INTS2: variants seen among roughly 807,000 people sequenced by gnomAD.
INTS2 encodes the protein KIAA1287.
INTS2 carries 57 observed loss-of-function variants against 139.6 expected under a neutral mutation model. That is an observed-to-expected ratio of 0.41 (90% confidence interval 0.33 to 0.51). The LOEUF (loss-of-function observed/expected upper bound fraction) is 0.51, where lower values mean the gene tolerates loss of function less well. Among genes scored for constraint, INTS2 ranks in the 20% least tolerant of loss-of-function variants. INTS2 has a pLI of 0.28. For synonymous variants in INTS2, 473 were observed against 493.4 expected (o/e 0.96, Z 0.55); for missense variants, 1,196 against 1,436.7 (o/e 0.83, Z 2.71).
At chr17:61,879,875 T>G (rs543661182) in intron 17 of INTS2, among the ~76,000 whole-genome samples, 1 of 152,260 alleles carries the variant, frequency 6.6e-6, no homozygotes, top group East Asian at 1.9e-4. Context: ...ATTGGCCATA[T>G]TTGGTCAAAT....
At chr17:61,918,313 C>T (rs1258481912) in intron 5 of INTS2, among the ~76,000 whole-genome samples, 1 of 152,102 alleles carries the variant, frequency 6.6e-6, no homozygotes, top group African/African-American at 2.4e-5. Context: ...CACATATCGG[C>T]TCGCTGCAAC....
chr17:61,909,829 G>GTA lies in INTS2; in HGVS notation c.954+1690_954+1691insTA, dbSNP rs1229476060. The stretch of plus-strand genomic sequence containing the variant: ...TGTGTGTGTACATGTGTGTATGTGT[G>GTA]TGTGTGTGTGTGTGTGTGTGTGTGT... On this transcript the variant is annotated intron_variant, in intron 7 of 24. Transcript: ENST00000251334. This position sits in a 1 kb window ranked among gnomAD's most constrained non-coding sequence, Gnocchi z 4.9. Among the ~76,000 whole-genome samples the GTA allele has an allele frequency of 5.2e-5, 3 of 57,596 alleles. No individual in the cohort carries two copies. Among genetic ancestry groups the GTA allele is most frequent in the African/African-American group, 2.4e-4 (3 of 12,518 alleles). The allele number at this position is 57,596 out of a possible 152,430, so 37.8% of individuals were successfully genotyped here. A position where few individuals can be genotyped will look rare whatever the true frequency, so the allele number is the denominator to read the frequency against.
At chr17:61,890,068 G>A (rs770818797) in intron 14 of INTS2, among the ~76,000 whole-genome samples, 174 bp from the exon 15 acceptor site, 4 of 152,102 alleles carry the variant, frequency 2.6e-5, no homozygotes, top group Admixed American at 6.6e-5. Context: ...CATGAAATCT[G>A]AGATGGCATG....
intron 5 of INTS2, among the ~76,000 whole-genome samples, chr17:61,917,500 A>G (rs970127732): frequency 6.6e-6 from 1 of 152,232 alleles, no homozygotes; most frequent in African/African-American, 2.4e-5. Flanking sequence ...GCTGGAAGCC[A>G]TCCCATCCTA....
In INTS2 at chr17:61,869,881, A is replaced by G. The variant is rs776508850; in HGVS notation, c.2886T>C (p.Ile962=). 1 of 1,613,946 alleles carries G rather than the reference A, an allele frequency of 6.2e-7. No homozygotes were observed. The highest frequency in any genetic ancestry group is 8.5e-7 in the Non-Finnish European group (1 of 1,179,832). Residue 962 remains isoleucine (I), a synonymous_variant, in exon 21 of 25, where the codon ATT becomes ATC. Coordinates refer to ENST00000251334, the MANE Select transcript of INTS2 (RefSeq NM_001351695.2). The surrounding 1 kb of genome is among the most constrained non-coding windows in gnomAD (Gnocchi z 5.4). ...DSLLRNVQSV[I]TTSAPNKGME... The stretch of plus-strand genomic sequence containing the variant: ...TTCCCTTATTTGGAGCGCTGGTGGT[A>G]ATAACACTTTGAACATTTCTTAACA...
intron 15 of INTS2, among the ~76,000 whole-genome samples, chr17:61,888,712 G>A (rs544316506): frequency 1.5e-3 from 225 of 152,090 alleles, no homozygotes; most frequent in Non-Finnish European, 2.7e-3. Flanking sequence ...ACCATACCCA[G>A]CCCAATGTTA....
Position 61,924,722 on chromosome 17 carries a change from A to G in INTS2, c.432+239T>C, listed in dbSNP as rs150126862. Among the ~76,000 whole-genome samples, 3 of 152,186 alleles carry G rather than the reference A, an allele frequency of 2.0e-5. No homozygotes were observed. The South Asian group carries it at 6.2e-4, about 32-fold the overall frequency. On this transcript the variant is annotated intron_variant, in intron 3 of 24. Transcript: ENST00000251334. ...CGGGCACCTGTAATCCCAGCTACTC[A>G]TGAAGCTGAGGCAGGAGAACCGTTT... is the stretch of plus-strand genomic sequence containing the variant.
intron 9 of INTS2, among the ~76,000 whole-genome samples, chr17:61,899,108 T>A (rs1364929854): frequency 6.6e-6 from 1 of 152,146 alleles, no homozygotes; most frequent in Non-Finnish European, 1.5e-5. Context: ...TAATAAAGTG[T>A]TATGTAGTAG....
In INTS2 at chr17:61,897,125, T is replaced by C. The variant is rs974149458; in HGVS notation, c.1494+344A>G. Among the ~76,000 whole-genome samples the C allele has an allele frequency of 3.3e-5, 5 of 152,176 alleles. No homozygotes were observed. The highest frequency in any genetic ancestry group is 7.4e-5 in the Non-Finnish European group (5 of 68,012). On this transcript the variant is annotated intron_variant, in intron 11 of 24. Transcript: ENST00000251334. This position sits in a 1 kb window ranked among gnomAD's most constrained non-coding sequence, Gnocchi z 4.4. ...TATACTGTATTATAATATTTATTGA[T>C]ATGAGTAAATGCTCATCATATATTA...
intron 2 of INTS2, among the ~76,000 whole-genome samples, chr17:61,925,430 AGCCGGGCATGGTGGC>A (rs2079700271): frequency 6.6e-6 from 1 of 151,794 alleles, no homozygotes; most frequent in Non-Finnish European, 1.5e-5. Context: ...AATACAAAAA[AGCCGGGCATGGTGGC>A]GCGTGCCTGT....
At chr17:61,878,662 A>G (rs1208098727) in intron 17 of INTS2, among the ~76,000 whole-genome samples, 2 of 151,932 alleles carry the variant, frequency 1.3e-5, no homozygotes, top group Non-Finnish European at 2.9e-5. Flanking sequence ...CATTAATGGG[A>G]TAGGCATGGT....
intron 8 of INTS2, 75 bp downstream of exon 8, chr17:61,907,333 C>T: frequency 7.8e-7 from 1 of 1,285,246 alleles, no homozygotes; most frequent in South Asian, 1.3e-5. Flanking sequence ...AATAAAAGGC[C>T]TTTGGCTCAC....
Position 61,925,045 on chromosome 17 carries a change from A to C in INTS2, c.348T>G (p.His116Gln). ...GESILVSQLQ[H>Q]GLTLEFEHSD... ...TGTGTTCAAACTCTAACGTCAGTCC[A>C]TGCTGAAGCTGTGATACCAGGATGC... is the stretch of plus-strand genomic sequence containing the variant. Residue 116 changes from histidine (H) to glutamine (Q), a missense_variant, in exon 3 of 25, where the codon CAT (histidine) becomes CAG (glutamine). Transcript: ENST00000251334. 1 of 1,613,852 alleles carries C rather than the reference A, an allele frequency of 6.2e-7. No homozygotes were observed. The highest frequency in any genetic ancestry group is 8.5e-7 in the Non-Finnish European group (1 of 1,179,766).
rs892764106 is a variant in INTS2, at chr17:61,909,969, AT to A, written c.954+1550del. On this transcript the variant is annotated intron_variant, in intron 7 of 24. Coordinates refer to ENST00000251334, the MANE Select transcript of INTS2 (RefSeq NM_001351695.2). The surrounding 1 kb of genome is among the most constrained non-coding windows in gnomAD (Gnocchi z 4.9). ...GAAATAAACATACAAGTGTAGGTAC[AT>A]TTTTTATATAATGATTTCTCTACCC... Among the ~76,000 whole-genome samples the A allele has an allele frequency of 6.6e-6, 1 of 152,074 alleles. No individual in the cohort carries two copies. Among genetic ancestry groups the A allele is most frequent in the African/African-American group, 2.4e-5 (1 of 41,410 alleles).
intron 14 of INTS2, among the ~76,000 whole-genome samples, chr17:61,891,220 G>A (rs925047234): frequency 4.6e-5 from 7 of 151,746 alleles, no homozygotes; most frequent in Non-Finnish European, 1.0e-4. Context: ...ACTTGAACCC[G>A]GCAGACAGAG....
At chr17:61,894,571 G>A (rs916974835) in intron 12 of INTS2, among the ~76,000 whole-genome samples, 1 of 152,168 alleles carries the variant, frequency 6.6e-6, no homozygotes, top group Non-Finnish European at 1.5e-5. Flanking sequence ...GCAACAACTG[G>A]CCGGGTGCAG....
intron 3 of INTS2, among the ~76,000 whole-genome samples, chr17:61,924,322 T>C (rs899754349): frequency 2.6e-5 from 4 of 152,172 alleles, no homozygotes; most frequent in Non-Finnish European, 4.4e-5. Context: ...GCTAATAAAT[T>C]TGATAATCTG....
At chr17:61,883,234 C>G (rs2079193455) in intron 16 of INTS2, among the ~76,000 whole-genome samples, 1 of 151,910 alleles carries the variant, frequency 6.6e-6, no homozygotes, top group Non-Finnish European at 1.5e-5. Context: ...ACAAAGAAGC[C>G]AGGCACGGTG....
rs1211484027 is a variant in INTS2, at chr17:61,865,682, C to T, written c.*1875G>A. ...TGAACTCCTAGGGCATATCTATTCA[C>T]ACAAAATATCGCAAGGCCTCAGTTT... On this transcript the variant is annotated 3_prime_UTR_variant, in exon 25 of 25. Coordinates refer to ENST00000251334, the MANE Select transcript of INTS2 (RefSeq NM_001351695.2). The surrounding 1 kb of genome is among the most constrained non-coding windows in gnomAD (Gnocchi z 4.8). The T allele has an allele frequency of 1.3e-5, 2 of 151,862 alleles. No homozygotes were observed. The highest frequency in any genetic ancestry group is 1.3e-4 in the Admixed American group (2 of 15,258). 9.4% of individuals were successfully genotyped at this position (151,862 alleles called of 1,614,324 possible).
Sources: gnomAD v4.1 joint callset for allele counts (sites outside exome capture counted in the v4.1 genomes callset) on GRCh38, gnomAD v4.1.1 for gene constraint, Gnocchi (gnomAD v3.1) non-coding constraint, MANE v1.5 for transcripts, NCBI Gene and HGNC (gene_info 2026-07-23, HGNC 2026-07-21) for gene names.